PCSK2: variants seen among roughly 807,000 people sequenced by gnomAD.
The protein encoded by PCSK2 is proprotein convertase subtilisin/kexin type 2, also known as neuroendocrine convertase 2.
Under a neutral mutation model 69.7 loss-of-function variants are expected in PCSK2, and 14 were observed. The observed-to-expected ratio is 0.20, with a 90% CI of 0.13 to 0.31. PCSK2 has a LOEUF of 0.31. Ranked by LOEUF, PCSK2 falls within the 10% of genes least tolerant of loss-of-function variation. PCSK2 has a pLI of 1.00. For missense variants in PCSK2, 544 were observed against 842.5 expected (o/e 0.65, Z 4.39); for synonymous variants, 307 against 320.7 (o/e 0.96, Z 0.46).
intron 2 of PCSK2, among the ~76,000 whole-genome samples, chr20:17,344,393 T>C (rs1990591367): frequency 6.6e-6 from 1 of 152,104 alleles, no homozygotes; most frequent in South Asian, 2.1e-4. Flanking sequence ...AACTGTTCCA[T>C]TGGCAATGCA....
intron 2 of PCSK2, among the ~76,000 whole-genome samples, chr20:17,291,057 A>T (rs1988678390): frequency 6.6e-6 from 1 of 152,076 alleles, no homozygotes; most frequent in African/African-American, 2.4e-5. Flanking sequence ...ATTAAATTTC[A>T]ACCTGAGTTT....
At chr20:17,310,914 T>C (rs1989486889) in intron 2 of PCSK2, among the ~76,000 whole-genome samples, 1 of 150,840 alleles carries the variant, frequency 6.6e-6, no homozygotes, top group African/African-American at 2.4e-5. Flanking sequence ...AGGCAGAGAA[T>C]TGCTTAAACC....
chr20:17,470,732 G>A (rs2033184716), intron 11 of PCSK2, among the ~76,000 whole-genome samples: 1 of 152,162 alleles, frequency 6.6e-6, no homozygotes. Flanking sequence ...AAAGCAAACG[G>A]CCTTAACTCC....
chr20:17,297,928 G>A lies in PCSK2; in HGVS notation c.282+37584G>A, dbSNP rs114615106. The stretch of plus-strand genomic sequence containing the variant: ...CTAAAAGTATTTTTATTTTAGTAAA[G>A]CACTTTAAGATATTTTCTATGTATT... On this transcript the variant is annotated intron_variant, in intron 2 of 11. Transcript: ENST00000262545. Among the ~76,000 whole-genome samples the A allele has an allele frequency of 5.8e-3, 890 of 152,160 alleles. 7 individuals carry two copies. Among genetic ancestry groups the A allele is most frequent in the African/African-American group, 0.02 (811 of 41,516 alleles).
chr20:17,406,419 C>T (rs1379976937), intron 5 of PCSK2, among the ~76,000 whole-genome samples: 2 of 152,222 alleles, frequency 1.3e-5, no homozygotes, highest in Non-Finnish European at 2.9e-5. Context: ...GTCATCAAAA[C>T]TTCATTGCAA....
intron 1 of PCSK2, among the ~76,000 whole-genome samples, chr20:17,246,535 A>T (rs903186118): frequency 1.3e-5 from 2 of 152,214 alleles, no homozygotes; most frequent in African/African-American, 4.8e-5. Flanking sequence ...AGAATGTAAA[A>T]GTATGAACCA....
intron 1 of PCSK2, among the ~76,000 whole-genome samples, chr20:17,232,114 A>G (rs1428067389): frequency 1.3e-5 from 2 of 152,242 alleles, no homozygotes; most frequent in South Asian, 2.1e-4. Context: ...ATCTAATCAC[A>G]GAAGTGAAAT....
chr20:17,288,712 G>A (rs1396368739), intron 2 of PCSK2, among the ~76,000 whole-genome samples: 1 of 152,204 alleles, frequency 6.6e-6, no homozygotes, highest in African/African-American at 2.4e-5. Context: ...AGAAGACGTA[G>A]GAGAGGAAGG....
intron 5 of PCSK2, among the ~76,000 whole-genome samples, chr20:17,373,532 A>T (rs1273778036): frequency 6.6e-6 from 1 of 152,208 alleles, no homozygotes; most frequent in Non-Finnish European, 1.5e-5. Flanking sequence ...TCTGCCCCAG[A>T]GATGCCTTGG....
At chr20:17,364,998 A>G (rs1233585066) in intron 4 of PCSK2, among the ~76,000 whole-genome samples, 1 of 152,200 alleles carries the variant, frequency 6.6e-6, no homozygotes, top group South Asian at 2.1e-4. Flanking sequence ...TATAAACTCT[A>G]TCCTGCCCCA....
intron 2 of PCSK2, among the ~76,000 whole-genome samples, chr20:17,357,706 C>A (rs995096012): frequency 2.0e-5 from 3 of 151,900 alleles, no homozygotes; most frequent in African/African-American, 4.8e-5. Context: ...ACCAGACTGA[C>A]CAACATGGAG....
At chr20:17,406,204 C>T (rs1158128697) in intron 5 of PCSK2, among the ~76,000 whole-genome samples, 2 of 152,168 alleles carry the variant, frequency 1.3e-5, no homozygotes, top group African/African-American at 2.4e-5. Flanking sequence ...ACACAAATAA[C>T]TTTATGGGAG....
In PCSK2 at chr20:17,453,984, T is replaced by C; in HGVS notation, c.1101+27T>C. Reference sequence around the variant, plus strand: ...TGAGCACGTCCCCTTCTGTCCTTGTTTCCTTAGGGCCACTGCACCTCTGTG... The same window carrying C: ...TGAGCACGTCCCCTTCTGTCCTTGTCTCCTTAGGGCCACTGCACCTCTGTG... On this transcript the variant is annotated intron_variant, in intron 9 of 11. Coordinates refer to ENST00000262545, the MANE Select transcript of PCSK2 (RefSeq NM_002594.5). The surrounding 1 kb of genome is among the most constrained non-coding windows in gnomAD (Gnocchi z 4.0). 6.2e-7 allele frequency: 1 copy of C among 1,613,180 alleles called. No individual in the cohort carries two copies. The highest frequency in any genetic ancestry group is 1.1e-5 in the South Asian group (1 of 90,934).
chr20:17,265,165 A>T (rs887085142), intron 2 of PCSK2, among the ~76,000 whole-genome samples: 1 of 152,194 alleles, frequency 6.6e-6, no homozygotes, highest in African/African-American at 2.4e-5. Flanking sequence ...AATGTCACGG[A>T]GAAAAATCTC....
chr20:17,465,071 G>A (rs563519605), intron 10 of PCSK2: 169 of 500,580 alleles, frequency 3.4e-4, no homozygotes, highest in South Asian at 2.9e-3. Context: ...TAGCCATTCC[G>A]GTGTGTGTGT....
intron 4 of PCSK2, 132 bp downstream of exon 4, chr20:17,360,772 G>A: frequency 1.6e-6 from 1 of 619,430 alleles, no homozygotes; most frequent in Non-Finnish European, 3.0e-6. Context: ...TGGCCACACT[G>A]CACTGTGCCC....
chr20:17,464,269 A>G (rs529201596), intron 10 of PCSK2: 33 of 152,326 alleles, frequency 2.2e-4, no homozygotes, highest in African/African-American at 7.9e-4. Context: ...AACCTGTGCG[A>G]TAACCTGGCC....
chr20:17,469,689 C>T (rs1453811514), intron 11 of PCSK2, among the ~76,000 whole-genome samples: 1 of 152,108 alleles, frequency 6.6e-6, no homozygotes, highest in Non-Finnish European at 1.5e-5. Flanking sequence ...TACATTAGGC[C>T]GTATGTGAGA....
intron 6 of PCSK2, among the ~76,000 whole-genome samples, chr20:17,423,530 G>T (rs1452933815): frequency 6.6e-6 from 1 of 152,080 alleles, no homozygotes; most frequent in East Asian, 1.9e-4. Flanking sequence ...ATCTGGAAAG[G>T]GCAGAGGATT....
Sources: gnomAD v4.1 joint callset for allele counts (sites outside exome capture counted in the v4.1 genomes callset) on GRCh38, gnomAD v4.1.1 for gene constraint, Gnocchi (gnomAD v3.1) non-coding constraint, MANE v1.5 for transcripts, NCBI Gene and HGNC (gene_info 2026-07-23, HGNC 2026-07-21) for gene names.